The following ZFHX4 variants were observed in gnomAD, a reference collection of about 807,000 sequenced individuals.
ZFHX4 encodes zinc finger homeobox protein 4.
A neutral mutation model predicts 267.6 loss-of-function variants in ZFHX4; 56 were observed. The ratio of observed to expected loss-of-function variants is 0.21; its 90% CI spans 0.17 to 0.26. ZFHX4 has a LOEUF of 0.26. ZFHX4 is among the 10% of genes least tolerant of loss of function. ZFHX4 has a pLI of 1.00. For missense variants in ZFHX4, 4,332 were observed against 4,420.0 expected, an observed-to-expected ratio of 0.98 and a Z score of 0.56; for synonymous variants, 1,778 against 1,665.6, an observed-to-expected ratio of 1.07 and a Z score of -1.64.
chr8:76,783,162 A>T (rs1810596864), intron 4 of ZFHX4, among the ~76,000 whole-genome samples: 2 of 152,046 alleles, frequency 1.3e-5, no homozygotes, highest in African/African-American at 4.8e-5. Context: ...TGTGAATCTT[A>T]TAAAGATAAT....
intron 3 of ZFHX4, among the ~76,000 whole-genome samples, chr8:76,731,485 C>G (rs1211212697): frequency 6.6e-6 from 1 of 152,096 alleles, no homozygotes; most frequent in East Asian, 1.9e-4. Context: ...CATTTATCTT[C>G]TTAGCAATGG....
chr8:76,751,236 C>T (rs1343589511), intron 3 of ZFHX4, among the ~76,000 whole-genome samples: 1 of 151,992 alleles, frequency 6.6e-6, no homozygotes, highest in Non-Finnish European at 1.5e-5. Flanking sequence ...TGTATCTCAG[C>T]CTAACTAATG....
At position 76,706,575 on chromosome 8, in the gene ZFHX4, A is replaced by C; in HGVS notation, c.2487A>C (p.Ile829=). ...ATCAGTACTACCTAGCCCAGAACAT[A>C]GGCCTGACCGGAATGAAGCTGGAAA... The part of the protein sequence containing the change: ...ELYQYYLAQN[I]GLTGMKLENP... Residue 829 remains isoleucine (I), a synonymous_variant, in exon 2 of 11, where the codon ATA becomes ATC. Transcript: ENST00000651372. 1 of 1,611,626 alleles carries C rather than the reference A, an allele frequency of 6.2e-7. No homozygotes were observed. Among genetic ancestry groups the C allele is most frequent in the Non-Finnish European group, 8.5e-7 (1 of 1,179,036 alleles).
chr8:76,683,865 G>C (rs1012012228), intron 1 of ZFHX4: 1 of 151,998 alleles, frequency 6.6e-6, no homozygotes, highest in African/African-American at 2.4e-5. Context: ...GTGTTGCTTA[G>C]ATTAAGGCTG....
chr8:76,839,779 T>C (rs1244127470), intron 5 of ZFHX4, among the ~76,000 whole-genome samples: 1 of 152,182 alleles, frequency 6.6e-6, no homozygotes, highest in Non-Finnish European at 1.5e-5. Context: ...TATATATATA[T>C]TTCCCTTACA....
At chr8:76,724,113 A>G (rs924703767) in intron 3 of ZFHX4, among the ~76,000 whole-genome samples, 1 of 152,084 alleles carries the variant, frequency 6.6e-6, no homozygotes, top group African/African-American at 2.4e-5. Context: ...TGAAATGAAT[A>G]TAATAGTGAA....
At chr8:76,787,975 A>C (rs776578009) in intron 4 of ZFHX4, among the ~76,000 whole-genome samples, 9 of 152,120 alleles carry the variant, frequency 5.9e-5, no homozygotes, top group Non-Finnish European at 1.3e-4. Flanking sequence ...ATCCAAGCCC[A>C]ATTATTCCTC....
chr8:76,835,241 GTATATATATATATATATA>G (rs144954045), intron 5 of ZFHX4, among the ~76,000 whole-genome samples: 1 of 42,648 alleles, frequency 2.3e-5, no homozygotes, highest in African/African-American at 1.3e-4. Flanking sequence ...ATATATATAT[GTATATATATATATATATA>G]TTCATACATA....
chr8:76,781,716 T>C (rs1810552882), intron 4 of ZFHX4, among the ~76,000 whole-genome samples: 1 of 152,080 alleles, frequency 6.6e-6, no homozygotes, highest in South Asian at 2.1e-4. Flanking sequence ...AAAATATTTC[T>C]ACTGGCATTT....
At chr8:76,789,472 T>A (rs1021942613) in intron 4 of ZFHX4, among the ~76,000 whole-genome samples, 1 of 152,168 alleles carries the variant, frequency 6.6e-6, no homozygotes, top group African/African-American at 2.4e-5. Context: ...TTAATAAAGA[T>A]AAGTAAATGA....
chr8:76,833,871 C>T (rs1345050972), intron 5 of ZFHX4, among the ~76,000 whole-genome samples: 1 of 152,138 alleles, frequency 6.6e-6, no homozygotes, highest in East Asian at 1.9e-4. Flanking sequence ...TATAAATCTT[C>T]TGTGCCAGTC....
At position 76,712,790 on chromosome 8, in the gene ZFHX4, T is replaced by A. The variant is rs553276095; in HGVS notation, c.3093+4742T>A. Among the ~76,000 whole-genome samples, 5 of 152,316 alleles carry A rather than the reference T, an allele frequency of 3.3e-5. No homozygotes were observed. The East Asian group carries it at 9.6e-4, about 29-fold the overall frequency. On this transcript the variant is annotated intron_variant, in intron 3 of 10. Transcript: ENST00000651372. Reference sequence around the variant, plus strand: ...TTTGCACTTTTGTATTAGTTTCAGATTTATGTTCATTTCAAGGTTGAAATG... The same window carrying A: ...TTTGCACTTTTGTATTAGTTTCAGAATTATGTTCATTTCAAGGTTGAAATG...
intron 4 of ZFHX4, among the ~76,000 whole-genome samples, chr8:76,828,528 A>G (rs1274543971): frequency 6.6e-6 from 1 of 152,268 alleles, no homozygotes; most frequent in Non-Finnish European, 1.5e-5. Context: ...AATGCAGGAT[A>G]CATGCCTAGC....
chr8:76,716,754 C>G (rs980074482), intron 3 of ZFHX4, among the ~76,000 whole-genome samples: 1 of 152,104 alleles, frequency 6.6e-6, no homozygotes, highest in African/African-American at 2.4e-5. Context: ...CACCTATGAA[C>G]AGGAAGGAGA....
chr8:76,721,040 A>C (rs1423039088), intron 3 of ZFHX4, among the ~76,000 whole-genome samples: 2 of 152,126 alleles, frequency 1.3e-5, no homozygotes, highest in African/African-American at 4.8e-5. Flanking sequence ...TGTTTGTGGC[A>C]GAAGGGGATG....
Position 76,854,981 on chromosome 8 carries a change from A to G in ZFHX4, c.8060A>G (p.Lys2687Arg), listed in dbSNP as rs185562417. Reference sequence around the variant, plus strand: ...TTTTGCCGAGCCCTGTTTAAAGCAAAGTCGGCCTTAGAAAGCCACATTCGC... The same window carrying G: ...TTTTGCCGAGCCCTGTTTAAAGCAAGGTCGGCCTTAGAAAGCCACATTCGC... ...CPFCRALFKAKSALESHIRSR... is the reference protein window; with the variant it reads ...CPFCRALFKARSALESHIRSR... The change falls in exon 10 of 11, where the codon AAG (lysine) becomes AGG (arginine). Residue 2687 changes from lysine (K) to arginine (R), a missense_variant. Transcript: ENST00000651372. 8.1e-6 allele frequency: 13 copies of G among 1,614,008 alleles called. No individual in the cohort carries two copies. The East Asian group carries it at 2.9e-4, about 36-fold the overall frequency.
In ZFHX4 at chr8:76,864,365, C is replaced by T; in HGVS notation, c.10651C>T (p.Pro3551Ser). ...TTCTTCTCCTCCTTCCCTTTCCTTG[C>T]CTTCAACGGTTACCTCAAGTTTGTG... ...PPSSPPSLSL[P>S]STVTSSLCST... is the part of the protein sequence containing the mutation. Residue 3551 changes from proline to serine, a missense_variant, in exon 11 of 11, where the codon CCT becomes TCT. Physicochemically the swap from Pro to Ser is moderately conservative, Grantham distance 74. Transcript: ENST00000651372. 6.2e-7 allele frequency: 1 copy of T among 1,613,792 alleles called. No homozygotes were observed. Among genetic ancestry groups the T allele is most frequent in the African/African-American group, 1.3e-5 (1 of 75,012 alleles).
At chr8:76,833,589 G>C in intron 5 of ZFHX4, 183 bp downstream of exon 5, 1 of 539,692 alleles carries the variant, frequency 1.9e-6, no homozygotes, top group Non-Finnish European at 3.3e-6. Flanking sequence ...TATGTAAATT[G>C]ACTTTACATT....
chr8:76,771,626 G>T lies in ZFHX4; in HGVS notation c.3094-6582G>T, dbSNP rs147480405. Among the ~76,000 whole-genome samples the T allele has an allele frequency of 3.7e-3, 559 of 152,030 alleles. 3 individuals carry two copies. Among genetic ancestry groups the T allele is most frequent in the Middle Eastern group, 0.031 (9 of 294 alleles). ...GCTAATTTATTTAATTTTTTGAAGA[G>T]ATGGGTTCTCACTTTCTTGTCCAGG... On this transcript the variant is annotated intron_variant, in intron 3 of 10. Coordinates refer to ENST00000651372, the MANE Select transcript of ZFHX4 (RefSeq NM_024721.5).
Sources: gnomAD v4.1 joint callset for allele counts (sites outside exome capture counted in the v4.1 genomes callset) on GRCh38, gnomAD v4.1.1 for gene constraint, MANE v1.5 for transcripts, NCBI Gene and HGNC (gene_info 2026-07-23, HGNC 2026-07-21) for gene names.